EXTL3: variants seen among roughly 807,000 people sequenced by gnomAD.
EXTL3 encodes the protein exostosin-like 3.
Under a neutral mutation model 69.3 loss-of-function variants are expected in EXTL3, and 27 were observed. The observed-to-expected ratio is 0.39, with a 90% CI of 0.29 to 0.54. EXTL3 has a LOEUF of 0.54. Ranked by LOEUF, EXTL3 falls within the 20% of genes least tolerant of loss-of-function variation. The pLI is 0.69. For missense variants in EXTL3, 1,003 were observed against 1,231.8 expected, an observed-to-expected ratio of 0.81 and a Z score of 2.78; for synonymous variants, 511 against 499.4, an observed-to-expected ratio of 1.02 and a Z score of -0.31.
intron 1 of EXTL3, among the ~76,000 whole-genome samples, chr8:28,673,087 T>A (rs959417082): frequency 1.3e-5 from 2 of 152,240 alleles, no homozygotes; most frequent in African/African-American, 4.8e-5. Context: ...TCTTTCTTTA[T>A]AAATTACCCA....
chr8:28,642,775 A>G (rs927596548), intron 1 of EXTL3, among the ~76,000 whole-genome samples: 4 of 152,034 alleles, frequency 2.6e-5, no homozygotes, highest in Non-Finnish European at 5.9e-5. Context: ...CTTTTTTTTT[A>G]CCTTGAAATT....
chr8:28,705,845 A>G lies in EXTL3; in HGVS notation c.-570+4186A>G, dbSNP rs112845038. ...TCGCTACCCAGCCCTTATGAAAATG[A>G]CGCATCTCATTTTAGGAGGGAGAGT... On this transcript the variant is annotated intron_variant, in intron 1 of 6. Coordinates refer to ENST00000220562, the MANE Select transcript of EXTL3 (RefSeq NM_001440.4). Among the ~76,000 whole-genome samples the G allele has an allele frequency of 3.2e-3, 482 of 152,346 alleles. 5 individuals carry two copies. The highest frequency in any genetic ancestry group is 0.011 in the African/African-American group (465 of 41,578).
chr8:28,706,253 G>A (rs1445241819), intron 1 of EXTL3, among the ~76,000 whole-genome samples: 1 of 152,146 alleles, frequency 6.6e-6, no homozygotes, highest in Non-Finnish European at 1.5e-5. Context: ...TGAAATTGCT[G>A]AATCAGAGAT....
intron 1 of EXTL3, among the ~76,000 whole-genome samples, chr8:28,704,103 G>T (rs1409462041): frequency 6.6e-6 from 1 of 152,206 alleles, no homozygotes; most frequent in Non-Finnish European, 1.5e-5. Context: ...GATGTTACTA[G>T]GGAGAAGAGA....
intron 1 of EXTL3, among the ~76,000 whole-genome samples, chr8:28,682,505 C>A (rs11996769): frequency 6.6e-6 from 1 of 151,976 alleles, no homozygotes. Context: ...TGCAATTGTG[C>A]GATCTCGGCT....
chr8:28,642,438 A>G (rs1806759418), intron 1 of EXTL3, among the ~76,000 whole-genome samples: 1 of 133,488 alleles, frequency 7.5e-6, no homozygotes, highest in African/African-American at 3.0e-5. Flanking sequence ...AGAGCGAAAC[A>G]CTGTCTCAAA....
chr8:28,735,488 T>C (rs1368361044), intron 4 of EXTL3, among the ~76,000 whole-genome samples: 1 of 152,234 alleles, frequency 6.6e-6, no homozygotes, highest in African/African-American at 2.4e-5. Flanking sequence ...GGGAAGCCTT[T>C]TAATGTGTCT....
intron 2 of EXTL3, among the ~76,000 whole-genome samples, chr8:28,617,146 T>G (rs1289061658): frequency 6.6e-6 from 1 of 152,176 alleles, no homozygotes; most frequent in Admixed American, 6.5e-5. Context: ...AAGATTGCCC[T>G]GTCCTACTCA....
intron 1 of EXTL3, among the ~76,000 whole-genome samples, chr8:28,627,523 C>T (rs1806511769): frequency 6.7e-6 from 1 of 148,804 alleles, no homozygotes; most frequent in Non-Finnish European, 1.5e-5. Flanking sequence ...TGAAAAAGAT[C>T]ATATAGAAGT....
In EXTL3 at chr8:28,718,165, A is replaced by G. The variant is rs1490072293; in HGVS notation, c.2106A>G (p.Pro702=). Residue 702 remains proline, a synonymous_variant, in exon 3 of 7, where the codon CCA becomes CCG. Transcript: ENST00000220562. ...VVVVWNSPKL[P]SEDLLWPDIG... ...TGGTGTGGAATTCTCCCAAGCTGCC[A>G]TCAGAGGACCTTCTGTGGCCTGACA... 1.9e-6 allele frequency: 3 copies of G among 1,614,176 alleles called. No individual in the cohort carries two copies. Among genetic ancestry groups the G allele is most frequent in the South Asian group, 1.1e-5 (1 of 91,074 alleles).
At chr8:28,619,828 C>T (rs1325258571), upstream of EXTL3, among the ~76,000 whole-genome samples, 1 of 144,732 alleles carries the variant, frequency 6.9e-6, no homozygotes, top group African/African-American at 2.6e-5. Flanking sequence ...CGTACACCGC[C>T]GACAGGGCTT....
Position 28,750,684 on chromosome 8 carries a change from C to T in EXTL3, c.2578C>T (p.Pro860Ser). The change falls in exon 7 of 7, where the codon CCA (proline) becomes TCA (serine). Residue 860 changes from proline (P) to serine (S), a missense_variant. By Grantham distance (74) the Pro-to-Ser change is moderately conservative. This residue lies in a region of EXTL3 where 261 missense variants were observed against 416.4 expected (regional missense o/e 0.63). Coordinates refer to ENST00000220562, the MANE Select transcript of EXTL3 (RefSeq NM_001440.4). The surrounding 1 kb of genome is among the most constrained non-coding windows in gnomAD (Gnocchi z 5.2). Reference protein sequence around the residue: ...KVTSRWTFRCPGCPQALSHDD... With the variant: ...KVTSRWTFRCSGCPQALSHDD... ...GACCTCACGGTGGACATTCCGATGC[C>T]CAGGATGCCCTCAGGCCCTGTCTCA... 6.2e-7 allele frequency: 1 copy of T among 1,614,138 alleles called. No homozygotes were observed. The highest frequency in any genetic ancestry group is 8.5e-7 in the Non-Finnish European group (1 of 1,180,024).
At chr8:28,614,496 A>T (rs545542898) in intron 2 of EXTL3, among the ~76,000 whole-genome samples, 11 of 149,318 alleles carry the variant, frequency 7.4e-5, no homozygotes, top group Admixed American at 6.0e-4. Context: ...CTGATCTCGA[A>T]CTCTTGGGCT....
intron 1 of EXTL3, among the ~76,000 whole-genome samples, chr8:28,682,914 T>A (rs1049758280): frequency 2.6e-5 from 4 of 152,248 alleles, no homozygotes; most frequent in Non-Finnish European, 5.9e-5. Flanking sequence ...AAGTCTTTAA[T>A]CTACTTTGAA....
chr8:28,681,133 C>T (rs1807480380), intron 1 of EXTL3, among the ~76,000 whole-genome samples: 1 of 152,012 alleles, frequency 6.6e-6, no homozygotes, highest in Admixed American at 6.6e-5. Flanking sequence ...CTCGGCCTCC[C>T]ACAGTGCTGG....
intron 4 of EXTL3, among the ~76,000 whole-genome samples, chr8:28,733,377 TG>T (rs1488640508): frequency 6.7e-6 from 1 of 150,298 alleles, no homozygotes; most frequent in African/African-American, 2.4e-5. Context: ...TATATATAAA[TG>T]TGTGTGTGTG....
intron 1 of EXTL3, among the ~76,000 whole-genome samples, chr8:28,648,072 A>G (rs1474114657): frequency 6.6e-6 from 1 of 152,134 alleles, no homozygotes; most frequent in Admixed American, 6.6e-5. Flanking sequence ...ACAGTGTTGT[A>G]TGAATATTGG....
At chr8:28,627,332 A>G (rs2130554585) in intron 1 of EXTL3, among the ~76,000 whole-genome samples, 1 of 152,212 alleles carries the variant, frequency 6.6e-6, no homozygotes, top group Admixed American at 6.5e-5. Context: ...CTACAAAAAT[A>G]TACAAAAATT....
At chr8:28,714,476 G>A (rs759518861) in intron 2 of EXTL3, among the ~76,000 whole-genome samples, 3 of 152,114 alleles carry the variant, frequency 2.0e-5, no homozygotes, top group Non-Finnish European at 2.9e-5. Flanking sequence ...TTTATGCTAC[G>A]TGTACCCTTG....
Sources: gnomAD v4.1 joint callset for allele counts (sites outside exome capture counted in the v4.1 genomes callset) on GRCh38, gnomAD v4.1.1 for gene constraint, gnomAD v4.1.1 regional missense constraint, Gnocchi (gnomAD v3.1) non-coding constraint, MANE v1.5 for transcripts, NCBI Gene and HGNC (gene_info 2026-07-23, HGNC 2026-07-21) for gene names.